ITSN2: variants seen among roughly 807,000 people sequenced by gnomAD.
The protein encoded by ITSN2 is intersectin 2.
ITSN2 carries 156 observed loss-of-function variants against 243.7 expected under a neutral mutation model. That is an observed-to-expected ratio of 0.64 (90% CI 0.56 to 0.73). The LOEUF is 0.73. Among genes scored for constraint, ITSN2 ranks in the 30% least tolerant of loss-of-function variants. The pLI is 0.00. For missense variants in ITSN2, 1,801 were observed against 1,996.1 expected, an observed-to-expected ratio of 0.90 and a Z score of 1.86; for synonymous variants, 703 against 699.9, an observed-to-expected ratio of 1.00 and a Z score of -0.07.
intron 20 of ITSN2, 23 bp downstream of exon 20, chr2:24,270,648 T>TAA: frequency 4.4e-6 from 5 of 1,133,764 alleles, no homozygotes; most frequent in Non-Finnish European, 5.2e-6. Context: ...TATTCATGAT[T>TAA]AAAAAAAAAA....
At chr2:24,304,004 G>C (rs1682152705) in intron 8 of ITSN2, 142 bp from the exon 9 acceptor site, 1 of 639,726 alleles carries the variant, frequency 1.6e-6, no homozygotes, top group African/African-American at 1.8e-5. Context: ...CCACGTGCTA[G>C]GTGCTAAGCA....
rs143107258 is a variant in ITSN2 at position 24,316,299 on chromosome 2, T to A, written c.32-1075A>T. On this transcript the variant is annotated intron_variant, in intron 2 of 39. Coordinates refer to ENST00000355123, the MANE Select transcript of ITSN2 (RefSeq NM_006277.3). ...TTATTATTTATTTATTTATTTATTT[T>A]GAGACAAAGTCTTGCTCTGTCACCA... Among the ~76,000 whole-genome samples the A allele has an allele frequency of 9.2e-3, 1,397 of 152,116 alleles. 18 individuals are homozygous for A. The highest frequency in any genetic ancestry group is 0.033 in the African/African-American group (1,350 of 41,384).
At chr2:24,224,252 C>T (rs1370357661) in intron 29 of ITSN2, among the ~76,000 whole-genome samples, 11 of 152,250 alleles carry the variant, frequency 7.2e-5, no homozygotes, top group Admixed American at 2.6e-4. Flanking sequence ...GCCATATCCA[C>T]ATTCCATCTC....
At chr2:24,333,888 G>GT (rs1385043073) in intron 1 of ITSN2, among the ~76,000 whole-genome samples, 2 of 151,938 alleles carry the variant, frequency 1.3e-5, no homozygotes, top group Non-Finnish European at 2.9e-5. Context: ...AGGTTTAGGG[G>GT]TTTTTTTGTT....
rs79520941 is a variant in ITSN2 at position 24,349,498 on chromosome 2, C to T, written c.-34+10806G>A. 3.3e-5 allele frequency among the ~76,000 whole-genome samples: 5 copies of T among 152,258 alleles called. No homozygotes were observed. The East Asian group carries it at 9.6e-4, about 29-fold the overall frequency. On this transcript the variant is annotated intron_variant, in intron 1 of 39. Transcript: ENST00000355123. ...TTCTGAAGGTTTCACACATCCAAAG[C>T]CAACTGTAGACTTTCAGACAGTTCA...
chr2:24,321,601 G>T (rs1281731818), intron 2 of ITSN2, among the ~76,000 whole-genome samples: 3 of 152,048 alleles, frequency 2.0e-5, no homozygotes, highest in Non-Finnish European at 2.9e-5. Flanking sequence ...TCTAAATAAA[G>T]AAATACCACA....
chr2:24,233,030 C>G (rs1218618211), intron 29 of ITSN2, among the ~76,000 whole-genome samples: 1 of 152,362 alleles, frequency 6.6e-6, no homozygotes, highest in East Asian at 1.9e-4. Context: ...CCCTTCTACT[C>G]TGTCACACAC....
intron 13 of ITSN2, among the ~76,000 whole-genome samples, chr2:24,296,106 A>G (rs1332342303): frequency 1.3e-5 from 2 of 152,210 alleles, no homozygotes; most frequent in Non-Finnish European, 2.9e-5. Context: ...AACAATATTA[A>G]TATCAGAGAC....
At position 24,203,090 on chromosome 2, in the gene ITSN2, TA is replaced by T. The variant is rs1465877327; in HGVS notation, c.*535del. ...ACTATATTGTCTTAGCAGAGAGTGA[TA>T]AAATCTAATCAGGAATAAAATGATC... On this transcript the variant is annotated 3_prime_UTR_variant, in exon 40 of 40. Coordinates refer to ENST00000355123, the MANE Select transcript of ITSN2 (RefSeq NM_006277.3). 3 of 152,776 alleles carry T rather than the reference TA, an allele frequency of 2.0e-5. No homozygotes were observed. The highest frequency in any genetic ancestry group is 2.9e-5 in the Non-Finnish European group (2 of 68,138). 9.5% of individuals were successfully genotyped at this position (152,776 alleles called of 1,614,324 possible). A position where few individuals can be genotyped will look rare whatever the true frequency, so the allele number is the denominator to read the frequency against.
chr2:24,210,276 T>A, intron 34 of ITSN2: 4 of 496,950 alleles, frequency 8.0e-6, no homozygotes, highest in Non-Finnish European at 1.1e-5. Context: ...TTCAAAGAAC[T>A]CAAAACAAAA....
At position 24,337,329 on chromosome 2, in the gene ITSN2, T is replaced by TATATATATATATACAC. The variant is rs1558650476; in HGVS notation, c.-33-9215_-33-9214insGTGTATATATATATAT. 5.2e-4 allele frequency among the ~76,000 whole-genome samples: 49 copies of TATATATATATATACAC among 94,446 alleles called. 4 individuals carry two copies. The highest frequency in any genetic ancestry group is 2.0e-3 in the African/African-American group (48 of 23,718). 62.0% of individuals were successfully genotyped at this position (94,446 alleles called of 152,430 possible). A position where few individuals can be genotyped will look rare whatever the true frequency, so the allele number is the denominator to read the frequency against. On this transcript the variant is annotated intron_variant, in intron 1 of 39. Coordinates refer to ENST00000355123, the MANE Select transcript of ITSN2 (RefSeq NM_006277.3). ...TGTATACACAAAATATATATATATA[T>TATATATATATATACAC]ATATATATATATATATATATATATG... is the stretch of plus-strand genomic sequence containing the variant.
chr2:24,289,031 A>G (rs1369701709), intron 15 of ITSN2, among the ~76,000 whole-genome samples: 3 of 152,162 alleles, frequency 2.0e-5, no homozygotes, highest in Non-Finnish European at 4.4e-5. Flanking sequence ...TAGCTTCATA[A>G]TATTTGCAAA....
At chr2:24,240,859 A>C (rs1672647109) in intron 29 of ITSN2, 1 of 152,218 alleles carries the variant, frequency 6.6e-6, no homozygotes, top group African/African-American at 2.4e-5. Context: ...CTGTCTACTA[A>C]AACTCCTTTT....
At chr2:24,243,879 T>C (rs1213289249) in intron 29 of ITSN2, among the ~76,000 whole-genome samples, 2 of 152,192 alleles carry the variant, frequency 1.3e-5, no homozygotes. Flanking sequence ...AAATTAAAAA[T>C]TGAGTTTCTC....
chr2:24,234,651 C>T (rs966249113), intron 29 of ITSN2, among the ~76,000 whole-genome samples: 1 of 151,966 alleles, frequency 6.6e-6, no homozygotes, highest in South Asian at 2.1e-4. Flanking sequence ...AACAGTTCAA[C>T]AATAAGAAAA....
At chr2:24,289,822 T>C (rs1487785491) in intron 15 of ITSN2, among the ~76,000 whole-genome samples, 2 of 152,160 alleles carry the variant, frequency 1.3e-5, no homozygotes, top group Non-Finnish European at 2.9e-5. Context: ...TCATCAGTGT[T>C]AGTGGATTTT....
intron 17 of ITSN2, among the ~76,000 whole-genome samples, chr2:24,282,903 T>A (rs1321399858): frequency 1.3e-5 from 2 of 152,128 alleles, no homozygotes; most frequent in Non-Finnish European, 2.9e-5. Flanking sequence ...TCCATCTTAA[T>A]CTGCTTCTTC....
In ITSN2 at chr2:24,208,230, C is replaced by T. The variant is rs758653236; in HGVS notation, c.4678+7G>A. 20 of 1,611,670 alleles carry T rather than the reference C, an allele frequency of 1.2e-5. No individual in the cohort carries two copies. Among genetic ancestry groups the T allele is most frequent in the Non-Finnish European group, 1.6e-5 (19 of 1,179,432 alleles). ...GGCTGCGTCCCACCCTCCGGGCACC[C>T]TGATACCTTGGTAAGCTTTCTCACG... On this transcript the variant is annotated splice_region_variant and intron_variant, in intron 37 of 39. Coordinates refer to ENST00000355123, the MANE Select transcript of ITSN2 (RefSeq NM_006277.3).
intron 22 of ITSN2, 41 bp from the exon 23 acceptor site, chr2:24,258,134 G>GT (rs746873599): frequency 1.2e-5 from 17 of 1,404,714 alleles, no homozygotes; most frequent in Middle Eastern, 1.8e-4. Flanking sequence ...AAAGGCAATG[G>GT]TAACTATGAT....
Sources: allele counts gnomAD v4.1 joint callset (sites outside exome capture counted in the v4.1 genomes callset), GRCh38; gene constraint gnomAD v4.1.1; transcripts MANE v1.5; gene names NCBI Gene and HGNC (gene_info 2026-07-23, HGNC 2026-07-21).